RAD23B: variants seen among roughly 807,000 people sequenced by gnomAD.
The protein encoded by RAD23B is lysine-specific demethylase RAD23B.
Under a neutral mutation model 49.1 loss-of-function variants are expected in RAD23B, and 5 were observed. The observed-to-expected ratio is 0.10, with a 90% CI of 0.05 to 0.21. RAD23B has a LOEUF of 0.21. Ranked by LOEUF, RAD23B falls within the 10% of genes least tolerant of loss-of-function variation. The probability of loss-of-function intolerance (pLI) is 1.00; values close to 1 mark genes in which losing one functional copy is unlikely to be tolerated. For missense variants in RAD23B, 356 were observed against 486.7 expected (o/e 0.73, Z 2.53); for synonymous variants, 184 against 165.4 (o/e 1.11, Z -0.86).
chr9:107,295,800 C>T (rs543916403), intron 1 of RAD23B, among the ~76,000 whole-genome samples: 1 of 152,150 alleles, frequency 6.6e-6, no homozygotes, highest in Non-Finnish European at 1.5e-5. Flanking sequence ...TGAGACACCA[C>T]AGAGTGGTTG....
chr9:107,306,910 CAT>C (rs749072713), intron 4 of RAD23B, among the ~76,000 whole-genome samples: 1 of 10,798 alleles, frequency 9.3e-5, no homozygotes, highest in Admixed American at 8.0e-4. Context: ...AGGTGAAAGT[CAT>C]TTTTTTTTTT....
intron 1 of RAD23B, among the ~76,000 whole-genome samples, chr9:107,285,936 C>A (rs1001586738): frequency 6.6e-6 from 1 of 152,066 alleles, no homozygotes; most frequent in African/African-American, 2.4e-5. Context: ...GATACGACAC[C>A]TTAGAATTCC....
chr9:107,322,035 C>T lies in RAD23B; in HGVS notation c.734C>T (p.Ala245Val), dbSNP rs1322498116. ...SQAVVDPPQA[A>V]STGAPQSSAV... Reference sequence around the variant, plus strand: ...GCTGTGGTTGACCCCCCTCAAGCAGCTAGTACTGGGGCTCCTCAGTCTTCA... The same window carrying T: ...GCTGTGGTTGACCCCCCTCAAGCAGTTAGTACTGGGGCTCCTCAGTCTTCA... The change falls in exon 7 of 10, where the codon GCT becomes GTT. Residue 245 changes from alanine (A) to valine (V), a missense_variant. Ala to Val is a moderately conservative substitution (Grantham distance 64). Around this residue, in one of 5 missense-constraint regions of RAD23B, gnomAD observed 148 missense variants for 231.7 expected, o/e 0.64. Coordinates refer to ENST00000358015, the MANE Select transcript of RAD23B (RefSeq NM_002874.5). 1.9e-6 allele frequency: 3 copies of T among 1,613,392 alleles called. No individual in the cohort carries two copies. The highest frequency in any genetic ancestry group is 2.5e-6 in the Non-Finnish European group (3 of 1,179,720).
At chr9:107,287,492 T>C (rs1564238475) in intron 1 of RAD23B, among the ~76,000 whole-genome samples, 1 of 152,236 alleles carries the variant, frequency 6.6e-6, no homozygotes, top group Non-Finnish European at 1.5e-5. Context: ...TCAGTTTTAA[T>C]ATCTATAAAT....
chr9:107,300,235 TATTAAA>T lies in RAD23B; in HGVS notation c.148+19_148+24del. On this transcript the variant is annotated intron_variant, in intron 2 of 9. Coordinates refer to ENST00000358015, the MANE Select transcript of RAD23B (RefSeq NM_002874.5). The stretch of plus-strand genomic sequence containing the variant: ...TTAATTTATGCAGGTATGAATTAAA[TATTAAA>T]ATTAACATGCCATGTCTTGATATTC... 6.3e-7 allele frequency: 1 copy of T among 1,594,350 alleles called. No homozygotes were observed. The highest frequency in any genetic ancestry group is 1.2e-5 in the South Asian group (1 of 86,606).
chr9:107,306,543 G>C lies in RAD23B; in HGVS notation c.393G>C (p.Ala131=), dbSNP rs148029511. ...CTGCATCCATCACTCCAGCATCAGC[G>C]ACAGCATCTTCTGAACCTGCACCTG... ...STPASITPAS[A]TASSEPAPAS... Residue 131 remains alanine (A), a synonymous_variant, in exon 4 of 10, where the codon GCG becomes GCC. Coordinates refer to ENST00000358015, the MANE Select transcript of RAD23B (RefSeq NM_002874.5). The C allele has an allele frequency of 6.2e-7, 1 of 1,613,998 alleles. No homozygotes were observed. The highest frequency in any genetic ancestry group is 8.5e-7 in the Non-Finnish European group (1 of 1,179,996).
chr9:107,316,290 G>A (rs1439665345), intron 5 of RAD23B, among the ~76,000 whole-genome samples: 1 of 152,142 alleles, frequency 6.6e-6, no homozygotes, highest in Non-Finnish European at 1.5e-5. Context: ...GATTACAGGC[G>A]TGAGCCACCA....
chr9:107,283,695 G>C lies in RAD23B; in HGVS notation c.66G>C (p.Thr22=). The change falls in exon 1 of 10, where the codon ACG becomes ACC. Residue 22 remains threonine, a splice_region_variant and synonymous_variant. Coordinates refer to ENST00000358015, the MANE Select transcript of RAD23B (RefSeq NM_002874.5). The stretch of plus-strand genomic sequence containing the variant: ...AGATAGACATTGACCCCGAGGAGAC[G>C]GTATGCGCGCGGGCCGGGGGCAGGG... ...TFKIDIDPEE[T]VKALKEKIES... 1 of 1,467,026 alleles carries C rather than the reference G, an allele frequency of 6.8e-7. No individual in the cohort carries two copies. Among genetic ancestry groups the C allele is most frequent in the Non-Finnish European group, 9.0e-7 (1 of 1,105,446 alleles). The allele number at this position is 1,467,026 out of a possible 1,614,324, so 90.9% of individuals were successfully genotyped here.
intron 9 of RAD23B, 97 bp downstream of exon 9, chr9:107,325,101 G>A (rs1460874444): frequency 8.3e-7 from 1 of 1,209,330 alleles, no homozygotes; most frequent in South Asian, 1.3e-5. Flanking sequence ...GATCACCTGA[G>A]GTCAGGAGTT....
intron 5 of RAD23B, among the ~76,000 whole-genome samples, chr9:107,314,945 G>A (rs1293760080): frequency 6.6e-6 from 1 of 152,148 alleles, no homozygotes. Context: ...TTCTTTTGAA[G>A]AATGTTTTTT....
In RAD23B at chr9:107,318,972, T is replaced by TA. The variant is rs1221898751; in HGVS notation, c.681+94dup. The TA allele has an allele frequency of 7.7e-7, 1 of 1,300,270 alleles. No homozygotes were observed. The highest frequency in any genetic ancestry group is 1.5e-5 in the African/African-American group (1 of 66,802). The allele number at this position is 1,300,270 out of a possible 1,614,324, so 80.5% of individuals were successfully genotyped here. A position where few individuals can be genotyped will look rare whatever the true frequency, so the allele number is the denominator to read the frequency against. Reference sequence around the variant, plus strand: ...AAAGGACCAGTTCACTTGTCACTGATATATGCTAGATGATATACATAATGC... The same window carrying TA: ...AAAGGACCAGTTCACTTGTCACTGATAATATGCTAGATGATATACATAATGC... On this transcript the variant is annotated intron_variant, in intron 6 of 9. Coordinates refer to ENST00000358015, the MANE Select transcript of RAD23B (RefSeq NM_002874.5). The surrounding 1 kb of genome is among the most constrained non-coding windows in gnomAD (Gnocchi z 4.3).
intron 2 of RAD23B, among the ~76,000 whole-genome samples, chr9:107,301,458 T>TA (rs1322020574): frequency 1.3e-5 from 2 of 152,218 alleles, no homozygotes; most frequent in Non-Finnish European, 2.9e-5. Flanking sequence ...GTCTTTTATA[T>TA]AATCAATACA....
At position 107,318,890 on chromosome 9, in the gene RAD23B, T is replaced by C. The variant is rs142218722; in HGVS notation, c.681+11T>C. Reference sequence around the variant, plus strand: ...GAGTATCTTTTAATGGTGAGAAATATGTTTTACTTTACTCCATTCTGTTGT... The same window carrying C: ...GAGTATCTTTTAATGGTGAGAAATACGTTTTACTTTACTCCATTCTGTTGT... On this transcript the variant is annotated intron_variant, in intron 6 of 9. Transcript: ENST00000358015. This position sits in a 1 kb window ranked among gnomAD's most constrained non-coding sequence, Gnocchi z 4.3. The C allele has an allele frequency of 3.6e-5, 57 of 1,604,098 alleles. No homozygotes were observed. Among genetic ancestry groups the C allele is most frequent in the Non-Finnish European group, 4.8e-5 (56 of 1,174,660 alleles).
chr9:107,318,667 ATGT>A lies in RAD23B; in HGVS notation c.554-81_554-79del, dbSNP rs1195196556. 1.4e-6 allele frequency: 2 copies of A among 1,383,368 alleles called. No individual in the cohort carries two copies. The highest frequency in any genetic ancestry group is 1.4e-5 in the African/African-American group (1 of 69,238). 85.7% of individuals were successfully genotyped at this position (1,383,368 alleles called of 1,614,324 possible). A position where few individuals can be genotyped will look rare whatever the true frequency, so the allele number is the denominator to read the frequency against. Reference sequence around the variant, plus strand: ...TATTCCCAGCATAGTAGTTCCTGAAATGTTGTATACATGAATCAATAAATGTAT... The same window carrying A: ...TATTCCCAGCATAGTAGTTCCTGAAATGTATACATGAATCAATAAATGTAT... On this transcript the variant is annotated intron_variant, in intron 5 of 9. Transcript: ENST00000358015. The surrounding 1 kb of genome is among the most constrained non-coding windows in gnomAD (Gnocchi z 4.3).
intron 1 of RAD23B, chr9:107,284,171 C>T (rs867787324): frequency 2.0e-6 from 2 of 986,954 alleles, no homozygotes; most frequent in South Asian, 9.4e-5. Context: ...GTATCAGGTT[C>T]CGTTTGCCGC....
intron 1 of RAD23B, among the ~76,000 whole-genome samples, chr9:107,293,445 T>C (rs928340734): frequency 9.2e-5 from 14 of 152,220 alleles, no homozygotes; most frequent in African/African-American, 2.9e-4. Flanking sequence ...CTGCCTGGCA[T>C]ATGGCAAGTA....
At chr9:107,328,952 CATT>C (rs1827259145) in intron 9 of RAD23B, among the ~76,000 whole-genome samples, 1 of 152,128 alleles carries the variant, frequency 6.6e-6, no homozygotes. Context: ...AAAAATAGAA[CATT>C]ATCTTCAAAA....
chr9:107,309,029 T>C (rs1205565443), intron 4 of RAD23B, among the ~76,000 whole-genome samples: 1 of 152,236 alleles, frequency 6.6e-6, no homozygotes, highest in Non-Finnish European at 1.5e-5. Context: ...TGAGAGAAAC[T>C]GCACTTGTGC....
At chr9:107,316,268 C>T (rs1297561833) in intron 5 of RAD23B, among the ~76,000 whole-genome samples, 3 of 152,200 alleles carry the variant, frequency 2.0e-5, no homozygotes, top group Non-Finnish European at 4.4e-5. Flanking sequence ...GCCTCGGCCT[C>T]CCAAGTGCTG....
Sources: gnomAD v4.1 joint callset for allele counts (sites outside exome capture counted in the v4.1 genomes callset) on GRCh38, gnomAD v4.1.1 for gene constraint, gnomAD v4.1.1 regional missense constraint, Gnocchi (gnomAD v3.1) non-coding constraint, MANE v1.5 for transcripts, NCBI Gene and HGNC (gene_info 2026-07-23, HGNC 2026-07-21) for gene names.